PRKN: variants seen among roughly 807,000 people sequenced by gnomAD.
PRKN encodes E3 ubiquitin-protein ligase parkin.
A neutral mutation model predicts 59.5 loss-of-function variants in PRKN; 56 were observed. The observed-to-expected ratio is 0.94, with a 90% CI of 0.76 to 1.18. PRKN has a LOEUF of 1.18. Among genes scored for constraint, PRKN ranks in the 50% most tolerant of loss-of-function variants. The pLI is 0.00. For synonymous variants in PRKN, 250 were observed against 222.1 expected, an observed-to-expected ratio of 1.13 and a Z score of -1.12; for missense variants, 657 against 596.4, an observed-to-expected ratio of 1.10 and a Z score of -1.06.
chr6:162,304,735 G>C (rs1782146196), intron 2 of PRKN, among the ~76,000 whole-genome samples: 1 of 150,784 alleles, frequency 6.6e-6, no homozygotes, highest in Non-Finnish European at 1.5e-5. Flanking sequence ...TTACTAAATA[G>C]CTAAGAGCAA....
chr6:162,190,361 AAC>A (rs1435882082), intron 4 of PRKN, among the ~76,000 whole-genome samples: 1 of 152,202 alleles, frequency 6.6e-6, no homozygotes, highest in Non-Finnish European at 1.5e-5. Context: ...CACTTTAGAA[AAC>A]AGAGTCCAGT....
intron 1 of PRKN, among the ~76,000 whole-genome samples, chr6:162,482,824 T>C (rs911161834): frequency 3.3e-5 from 5 of 152,170 alleles, no homozygotes; most frequent in South Asian, 2.1e-4. Flanking sequence ...TTAGAGATCA[T>C]CTTGTCCAAT....
Position 161,597,800 on chromosome 6 carries a change from G to C in PRKN, c.872-28384C>G, listed in dbSNP as rs573874364. Among the ~76,000 whole-genome samples, 3 of 152,118 alleles carry C rather than the reference G, an allele frequency of 2.0e-5. No individual in the cohort carries two copies. The South Asian group carries it at 6.2e-4, about 32-fold the overall frequency. On this transcript the variant is annotated intron_variant, in intron 7 of 11. Transcript: ENST00000366898. ...TACTGGTGCTGCTATGATGTTCTGT[G>C]AGTAAATAAAAGGTCTGTCCTCTGA...
chr6:162,346,199 A>G (rs1784397537), intron 2 of PRKN, among the ~76,000 whole-genome samples: 1 of 152,176 alleles, frequency 6.6e-6, no homozygotes, highest in Non-Finnish European at 1.5e-5. Context: ...TTTACTAGCC[A>G]TATTCCTTTC....
chr6:161,647,931 A>G (rs921583064), intron 7 of PRKN, among the ~76,000 whole-genome samples: 21 of 152,254 alleles, frequency 1.4e-4, no homozygotes, highest in Non-Finnish European at 7.3e-5. Flanking sequence ...TGAGAAATTT[A>G]GTACGGTATG....
rs1461092458 is a variant in PRKN, at chr6:161,372,674, G to T, written c.1168-12469C>A. On this transcript the variant is annotated intron_variant, in intron 10 of 11. Coordinates refer to ENST00000366898, the MANE Select transcript of PRKN (RefSeq NM_004562.3). The surrounding 1 kb of genome is among the most constrained non-coding windows in gnomAD (Gnocchi z 4.2). ...TGTGGCTCCCCCACTACCCCTCTGG[G>T]TCTGAATCCATAGGTCTGGGATTGC... 6.6e-6 allele frequency among the ~76,000 whole-genome samples: 1 copy of T among 152,096 alleles called. No individual in the cohort carries two copies. Among genetic ancestry groups the T allele is most frequent in the Non-Finnish European group, 1.5e-5 (1 of 68,042 alleles).
chr6:161,668,269 A>G (rs1159698721), intron 7 of PRKN, among the ~76,000 whole-genome samples: 1 of 151,560 alleles, frequency 6.6e-6, no homozygotes, highest in Non-Finnish European at 1.5e-5. Context: ...ATATAAAGAA[A>G]AAAAAAAAAA....
At position 161,560,899 on chromosome 6, in the gene PRKN, A is replaced by G. The variant is rs1780432164; in HGVS notation, c.933+8456T>C. ...ATCTACCACCAGAAGCATTGCCTGG[A>G]AAACACAGATTTCCGTGGTCTTCTT... On this transcript the variant is annotated intron_variant, in intron 8 of 11. Transcript: ENST00000366898. This position sits in a 1 kb window ranked among gnomAD's most constrained non-coding sequence, Gnocchi z 4.9. Among the ~76,000 whole-genome samples, 1 of 152,200 alleles carries G rather than the reference A, an allele frequency of 6.6e-6. No individual in the cohort carries two copies. The highest frequency in any genetic ancestry group is 6.5e-5 in the Admixed American group (1 of 15,284).
At chr6:162,617,945 A>C (rs1441757827) in intron 1 of PRKN, among the ~76,000 whole-genome samples, 5 of 152,116 alleles carry the variant, frequency 3.3e-5, no homozygotes, top group African/African-American at 1.2e-4. Context: ...ACACAAGAAT[A>C]ATCATTATCA....
chr6:162,443,950 G>A (rs910012464), intron 1 of PRKN, among the ~76,000 whole-genome samples: 2 of 152,160 alleles, frequency 1.3e-5, no homozygotes, highest in Admixed American at 6.5e-5. Flanking sequence ...AGACCCACTC[G>A]GGGCTATGGC....
chr6:162,011,146 A>AT (rs373326934), intron 5 of PRKN, among the ~76,000 whole-genome samples: 155 of 898 alleles, frequency 0.17, 57 homozygotes, highest in South Asian at 0.29. Flanking sequence ...TATAATATAT[A>AT]TTATAATATA....
intron 7 of PRKN, among the ~76,000 whole-genome samples, chr6:161,714,097 G>A (rs1302787996): frequency 3.3e-5 from 5 of 152,218 alleles, no homozygotes; most frequent in East Asian, 1.9e-4. Flanking sequence ...TGAGAACGAC[G>A]GATACACACG....
At chr6:162,014,111 C>A (rs923327236) in intron 5 of PRKN, among the ~76,000 whole-genome samples, 32 of 152,136 alleles carry the variant, frequency 2.1e-4, no homozygotes, top group African/African-American at 7.7e-4. Flanking sequence ...CCTACTCACC[C>A]CCCATCGGGA....
intron 1 of PRKN, among the ~76,000 whole-genome samples, chr6:162,551,649 A>G (rs1779336029): frequency 1.3e-5 from 2 of 152,184 alleles, no homozygotes; most frequent in Admixed American, 6.5e-5. Context: ...CTGTGTAAGA[A>G]CCACCCAGAA....
chr6:161,973,233 G>T, intron 6 of PRKN, 69 bp downstream of exon 6: 1 of 959,816 alleles, frequency 1.0e-6, no homozygotes, highest in African/African-American at 1.6e-5. Context: ...AAGGAGGGGG[G>T]AGTGATGCTA....
At chr6:162,611,922 A>C (rs1055275485) in intron 1 of PRKN, among the ~76,000 whole-genome samples, 2 of 152,110 alleles carry the variant, frequency 1.3e-5, no homozygotes, top group South Asian at 2.1e-4. Context: ...GTGGTGGCTC[A>C]CGCCTGTAAT....
chr6:161,491,053 C>A (rs1291732026), intron 9 of PRKN, among the ~76,000 whole-genome samples: 2 of 152,184 alleles, frequency 1.3e-5, no homozygotes, highest in Admixed American at 1.3e-4. Flanking sequence ...AATTAAACAT[C>A]TTTTCTTTAT....
At chr6:162,307,897 A>C (rs902268869) in intron 2 of PRKN, among the ~76,000 whole-genome samples, 1 of 152,244 alleles carries the variant, frequency 6.6e-6, no homozygotes, top group African/African-American at 2.4e-5. Flanking sequence ...CAAGAGTGTT[A>C]TACAGACAAG....
intron 2 of PRKN, among the ~76,000 whole-genome samples, chr6:162,399,359 A>G (rs1300305924): frequency 6.6e-6 from 1 of 152,156 alleles, no homozygotes; most frequent in African/African-American, 2.4e-5. Flanking sequence ...GAAAATTAAT[A>G]ATCACACAGC....
Sources: allele counts gnomAD v4.1 joint callset (sites outside exome capture counted in the v4.1 genomes callset), GRCh38; gene constraint gnomAD v4.1.1; non-coding constraint Gnocchi (gnomAD v3.1); transcripts MANE v1.5; gene names NCBI Gene and HGNC (gene_info 2026-07-23, HGNC 2026-07-21).